CCDC170: variants seen among roughly 807,000 people sequenced by gnomAD.
The protein encoded by CCDC170 is coiled-coil domain-containing protein 170.
Under a neutral mutation model 72.6 loss-of-function variants are expected in CCDC170, and 69 were observed. The ratio of observed to expected loss-of-function variants is 0.95; its 90% confidence interval spans 0.78 to 1.16. CCDC170 has a LOEUF of 1.16. Among genes scored for constraint, CCDC170 ranks in the 50% most tolerant of loss-of-function variants. The pLI is 0.00. For synonymous variants in CCDC170, 300 were observed against 303.9 expected (o/e 0.99, Z 0.13); for missense variants, 852 against 832.5 (o/e 1.02, Z -0.29).
rs201569308 is a variant in CCDC170 at position 151,596,562 on chromosome 6, C to T, written c.1695C>T (p.Asp565=). Residue 565 remains aspartate, a synonymous_variant, in exon 9 of 11, where the codon GAC becomes GAT. Transcript: ENST00000239374. ...LHTELKAKLA[D]TNELKIKTLE... ...CCGAGCTCAAAGCCAAACTGGCCGA[C>T]ACCAATGAACTGAAGGCAAGTGCTT... The T allele has an allele frequency of 5.1e-5, 83 of 1,614,048 alleles. 1 individual carries two copies. The Admixed American group carries it at 9.8e-4, about 19-fold the overall frequency.
intron 9 of CCDC170, among the ~76,000 whole-genome samples, chr6:151,600,891 C>A (rs1023762520): frequency 2.0e-5 from 3 of 152,160 alleles, no homozygotes; most frequent in African/African-American, 7.2e-5. Context: ...CATCCACAGT[C>A]ATTCTTCATT....
At chr6:151,533,667 CAAAAAA>C (rs11347240) in intron 1 of CCDC170, among the ~76,000 whole-genome samples, 1 of 141,462 alleles carries the variant, frequency 7.1e-6, no homozygotes, top group Non-Finnish European at 1.5e-5. Context: ...AACTCCATCT[CAAAAAA>C]AAAAAAAAAA....
chr6:151,523,320 T>C (rs1036972129), intron 1 of CCDC170, among the ~76,000 whole-genome samples: 1 of 152,160 alleles, frequency 6.6e-6, no homozygotes, highest in Admixed American at 6.5e-5. Flanking sequence ...ACAGAAGCTA[T>C]TTAATTTTCT....
chr6:151,535,426 G>C (rs1163994837), intron 1 of CCDC170, among the ~76,000 whole-genome samples: 2 of 152,154 alleles, frequency 1.3e-5, no homozygotes, highest in Non-Finnish European at 2.9e-5. Flanking sequence ...CATGATTCAT[G>C]GATATGAGAT....
intron 5 of CCDC170, among the ~76,000 whole-genome samples, chr6:151,558,014 C>T (rs776414972): frequency 1.4e-3 from 63 of 44,256 alleles, no homozygotes; most frequent in Admixed American, 1.4e-3. Flanking sequence ...GCAGGAGAAT[C>T]GCTTGAGCTT....
Position 151,538,088 on chromosome 6 carries a change from G to T in CCDC170, c.230G>T (p.Cys77Phe), listed in dbSNP as rs533543701. The change falls in exon 3 of 11, where the codon TGT (cysteine) becomes TTT (phenylalanine). Residue 77 changes from cysteine (C) to phenylalanine (F), a missense_variant. By Grantham distance (205) the Cys-to-Phe change is radical. Transcript: ENST00000239374. ...RSKMLSKEVS[C>F]QELKAEMESY... Reference sequence around the variant, plus strand: ...AAGATGCTTTCTAAAGAAGTCTCCTGTCAAGAACTGAAAGCTGAAATGGAG... The same window carrying T: ...AAGATGCTTTCTAAAGAAGTCTCCTTTCAAGAACTGAAAGCTGAAATGGAG... 2.0e-5 allele frequency: 32 copies of T among 1,612,510 alleles called. No homozygotes were observed. The South Asian group carries it at 3.2e-4, about 16-fold the overall frequency.
At chr6:151,577,425 T>C (rs891208714) in intron 6 of CCDC170, among the ~76,000 whole-genome samples, 9 of 152,240 alleles carry the variant, frequency 5.9e-5, no homozygotes, top group African/African-American at 1.2e-4. Flanking sequence ...CAGGACACCA[T>C]AGCAGTTGTT....
chr6:151,592,818 CAT>C (rs1776562632), intron 7 of CCDC170, among the ~76,000 whole-genome samples: 1 of 152,226 alleles, frequency 6.6e-6, no homozygotes, highest in South Asian at 2.1e-4. Flanking sequence ...TGTCATCAAA[CAT>C]AGCCAAATGT....
chr6:151,555,353 T>G lies in CCDC170; in HGVS notation c.774+6864T>G, dbSNP rs950316386. Among the ~76,000 whole-genome samples, 144 of 152,304 alleles carry G rather than the reference T, an allele frequency of 9.5e-4. 1 individual carries two copies. The highest frequency in any genetic ancestry group is 3.3e-3 in the African/African-American group (139 of 41,562). On this transcript the variant is annotated intron_variant, in intron 5 of 10. Transcript: ENST00000239374. The stretch of plus-strand genomic sequence containing the variant: ...TATTTACTTTTACCTGGGGATAAGA[T>G]AAACATGAGATTAATTTATAGTCAT...
chr6:151,592,147 C>G (rs770718687), intron 7 of CCDC170, among the ~76,000 whole-genome samples: 28 of 151,978 alleles, frequency 1.8e-4, no homozygotes, highest in Non-Finnish European at 3.7e-4. Flanking sequence ...CACCTGAGGT[C>G]AGGAGTTTGA....
chr6:151,594,647 T>A (rs186116898), intron 8 of CCDC170, among the ~76,000 whole-genome samples: 2 of 150,234 alleles, frequency 1.3e-5, no homozygotes, highest in African/African-American at 2.5e-5. Context: ...TGGAATTTTC[T>A]TTTCTTTTCT....
chr6:151,522,820 A>G (rs1378198856), intron 1 of CCDC170, among the ~76,000 whole-genome samples: 1 of 152,260 alleles, frequency 6.6e-6, no homozygotes, highest in Admixed American at 6.5e-5. Context: ...CGTATCTTAC[A>G]TAGAAACAAG....
At chr6:151,575,779 C>T (rs1169155242) in intron 6 of CCDC170, among the ~76,000 whole-genome samples, 2 of 151,930 alleles carry the variant, frequency 1.3e-5, no homozygotes, top group African/African-American at 2.4e-5. Context: ...CCACCCGCCT[C>T]GGCCTCCCAA....
chr6:151,521,738 C>G (rs1458627447), intron 1 of CCDC170, among the ~76,000 whole-genome samples: 2 of 152,078 alleles, frequency 1.3e-5, no homozygotes, highest in East Asian at 1.9e-4. Context: ...AATCCCAGCA[C>G]TTTGGGAGGC....
intron 10 of CCDC170, among the ~76,000 whole-genome samples, chr6:151,616,362 A>G (rs558867749): frequency 6.6e-6 from 1 of 152,272 alleles, no homozygotes; most frequent in South Asian, 2.1e-4. Context: ...GGTCAGGCGT[A>G]AAGAAACATG....
rs575510621 is a variant in CCDC170, at chr6:151,594,809, G to A, written c.1468-1526G>A. ...TGGGATTACAGGCACCTGCAACCAT[G>A]CCTGGCTAATTTTGTATTTTTAGTA... On this transcript the variant is annotated intron_variant, in intron 8 of 10. Coordinates refer to ENST00000239374, the MANE Select transcript of CCDC170 (RefSeq NM_025059.4). 3.9e-5 allele frequency among the ~76,000 whole-genome samples: 6 copies of A among 152,082 alleles called. No homozygotes were observed. The East Asian group carries it at 1.2e-3, about 29-fold the overall frequency.
intron 1 of CCDC170, among the ~76,000 whole-genome samples, chr6:151,516,477 T>C (rs79365766): frequency 6.0e-4 from 91 of 152,292 alleles, no homozygotes; most frequent in African/African-American, 2.1e-3. Flanking sequence ...CTGAGCAGGT[T>C]CTTTGCTTTA....
chr6:151,529,887 C>T (rs576922856), intron 1 of CCDC170, among the ~76,000 whole-genome samples: 2 of 152,092 alleles, frequency 1.3e-5, no homozygotes, highest in South Asian at 4.2e-4. Context: ...GGTGTGGTGT[C>T]TGGTGAGGGT....
chr6:151,507,600 C>T (rs1338178875), intron 1 of CCDC170, among the ~76,000 whole-genome samples: 1 of 152,126 alleles, frequency 6.6e-6, no homozygotes, highest in Non-Finnish European at 1.5e-5. Flanking sequence ...GGAGATGAAA[C>T]TGTGTGTAGA....
Sources: gnomAD v4.1 joint callset for allele counts (sites outside exome capture counted in the v4.1 genomes callset) on GRCh38, gnomAD v4.1.1 for gene constraint, MANE v1.5 for transcripts, NCBI Gene and HGNC (gene_info 2026-07-23, HGNC 2026-07-21) for gene names.